Variants in XRRA1 observed in about 807,000 individuals in gnomAD.
The protein encoded by XRRA1 is X-ray radiation resistance-associated protein 1.
In XRRA1, 69 loss-of-function variants were observed where a neutral mutation model predicts 80.2. The ratio of observed to expected loss-of-function variants is 0.86; its 90% CI spans 0.71 to 1.05. XRRA1 has a LOEUF of 1.05. XRRA1 is among the 50% of genes least tolerant of loss of function. The probability of loss-of-function intolerance (pLI) is 0.00; values close to 1 mark genes in which losing one functional copy is unlikely to be tolerated. For synonymous variants in XRRA1, 348 were observed against 389.9 expected, an observed-to-expected ratio of 0.89 and a Z score of 1.27; for missense variants, 967 against 976.4, an observed-to-expected ratio of 0.99 and a Z score of 0.13.
intron 5 of XRRA1, chr11:74,931,779 T>C (rs1416746139): frequency 2.6e-5 from 4 of 152,382 alleles, no homozygotes; most frequent in Non-Finnish European, 1.5e-5. Flanking sequence ...GTTTCTTTAA[T>C]GATATGCTCC....
At chr11:74,905,314 C>A (rs2054352199) in intron 10 of XRRA1, among the ~76,000 whole-genome samples, 1 of 152,218 alleles carries the variant, frequency 6.6e-6, no homozygotes, top group South Asian at 2.1e-4. Context: ...AAACAATTCT[C>A]CAGCCTTGGC....
chr11:74,906,705 T>C, intron 9 of XRRA1: 1 of 537,682 alleles, frequency 1.9e-6, no homozygotes, highest in Non-Finnish European at 3.3e-6. Flanking sequence ...TGGCACAAAG[T>C]AGTATTCAGT....
rs183013745 is a variant in XRRA1, at chr11:74,937,214, G to A, written c.95-146C>T. On this transcript the variant is annotated intron_variant, in intron 3 of 18. Coordinates refer to ENST00000684022, the MANE Select transcript of XRRA1 (RefSeq NM_001378157.1). Reference sequence around the variant, plus strand: ...ATACAATACTGCAGCTGGGGGTAGGGGAGATATCTACCTATCTATGTCATT... The same window carrying A: ...ATACAATACTGCAGCTGGGGGTAGGAGAGATATCTACCTATCTATGTCATT... 976 of 803,700 alleles carry A rather than the reference G, an allele frequency of 1.2e-3. 4 individuals carry two copies. Among genetic ancestry groups the A allele is most frequent in the Middle Eastern group, 0.011 (43 of 4,088 alleles). The allele number at this position is 803,700 out of a possible 1,614,324, so 49.8% of individuals were successfully genotyped here.
chr11:74,877,864 G>A (rs1201517404), intron 10 of XRRA1, among the ~76,000 whole-genome samples: 2 of 152,120 alleles, frequency 1.3e-5, no homozygotes, highest in East Asian at 3.9e-4. Flanking sequence ...GTCTATCATT[G>A]TTGGACATTT....
intron 10 of XRRA1, among the ~76,000 whole-genome samples, chr11:74,878,893 A>G (rs1436052779): frequency 1.3e-5 from 2 of 151,818 alleles, no homozygotes; most frequent in Non-Finnish European, 2.9e-5. Context: ...GAAGTCAGGT[A>G]GTGTGATGCC....
chr11:74,914,404 G>A lies in XRRA1; in HGVS notation c.656+6810C>T, dbSNP rs141512868. 2.2e-4 allele frequency among the ~76,000 whole-genome samples: 33 copies of A among 152,326 alleles called. No individual in the cohort carries two copies. The East Asian group carries it at 6.2e-3, about 28-fold the overall frequency. On this transcript the variant is annotated intron_variant, in intron 8 of 18. Coordinates refer to ENST00000684022, the MANE Select transcript of XRRA1 (RefSeq NM_001378157.1). Reference sequence around the variant, plus strand: ...CAGAGCAAGGCAAGGTTCTACAACAGGTCCCAACTGTAATGCAAGTTGCTC... The same window carrying A: ...CAGAGCAAGGCAAGGTTCTACAACAAGTCCCAACTGTAATGCAAGTTGCTC...
At chr11:74,911,873 G>A (rs992833260) in intron 8 of XRRA1, among the ~76,000 whole-genome samples, 2 of 152,306 alleles carry the variant, frequency 1.3e-5, no homozygotes, top group East Asian at 3.9e-4. Flanking sequence ...ACAGTATCAT[G>A]GGGCTAGAGA....
chr11:74,870,220 G>A (rs117711119), intron 10 of XRRA1, among the ~76,000 whole-genome samples: 6,650 of 152,282 alleles, frequency 0.044, 243 homozygotes, highest in South Asian at 0.066. Context: ...TCAGGGTGCT[G>A]GGAATGTTGA....
At chr11:74,878,990 A>C (rs2046788835) in intron 10 of XRRA1, among the ~76,000 whole-genome samples, 1 of 149,714 alleles carries the variant, frequency 6.7e-6, no homozygotes, top group Admixed American at 6.6e-5. Context: ...GTTTTTTCCA[A>C]TTCTGTGAAG....
At chr11:74,873,640 A>G (rs1345116726) in intron 10 of XRRA1, among the ~76,000 whole-genome samples, 1 of 152,174 alleles carries the variant, frequency 6.6e-6, no homozygotes, top group Non-Finnish European at 1.5e-5. Flanking sequence ...TGTAGATGAC[A>G]TACTGTTTTG....
At chr11:74,845,447 C>T (rs1004950496) in intron 15 of XRRA1, among the ~76,000 whole-genome samples, 176 bp from the exon 16 acceptor site, 2 of 152,188 alleles carry the variant, frequency 1.3e-5, no homozygotes, top group Admixed American at 6.5e-5. Context: ...AATGCTTTAA[C>T]AGAGGGAATA....
intron 10 of XRRA1, among the ~76,000 whole-genome samples, chr11:74,884,330 T>TTTTG (rs1379843586): frequency 2.0e-5 from 3 of 152,174 alleles, no homozygotes; most frequent in Non-Finnish European, 4.4e-5. Flanking sequence ...TCTTCCCTTT[T>TTTTG]TTTGTTTGTT....
Position 74,845,107 on chromosome 11 carries a change from T to TC in XRRA1, c.1892_1893insG (p.Ala632SerfsTer4), listed in dbSNP as rs2037707987. On this transcript the variant is annotated frameshift_variant, in exon 16 of 19. Coordinates refer to ENST00000684022, the MANE Select transcript of XRRA1 (RefSeq NM_001378157.1). LOFTEE classifies it high-confidence loss of function. ...CAATGAAGGCTGGATCAGGCTTGGC[T>TC]GTCAGCAGTTCTTCATAGCCGTGGT... is the stretch of plus-strand genomic sequence containing the variant. 1.2e-6 allele frequency: 2 copies of TC among 1,613,972 alleles called. No homozygotes were observed. Among genetic ancestry groups the TC allele is most frequent in the African/African-American group, 2.7e-5 (2 of 75,076 alleles).
At chr11:74,888,920 T>C in intron 10 of XRRA1, among the ~76,000 whole-genome samples, 1 of 152,226 alleles carries the variant, frequency 6.6e-6, no homozygotes, top group East Asian at 1.9e-4. Flanking sequence ...AGACCAAATC[T>C]ACGTCTGATT....
chr11:74,948,993 C>A lies in XRRA1; in HGVS notation c.-138G>T. On this transcript the variant is annotated 5_prime_UTR_variant, in exon 1 of 19. Coordinates refer to ENST00000684022, the MANE Select transcript of XRRA1 (RefSeq NM_001378157.1). ...GGCGACGTCCCAGTCAGGAGGGATG[C>A]GCGCCTGCGAGCCCCCCGGGGATCT... is the stretch of plus-strand genomic sequence containing the variant. The A allele has an allele frequency of 3.3e-6, 1 of 301,274 alleles. No homozygotes were observed. The highest frequency in any genetic ancestry group is 3.8e-5 in the South Asian group (1 of 26,288). 18.7% of individuals were successfully genotyped at this position (301,274 alleles called of 1,614,324 possible). A position where few individuals can be genotyped will look rare whatever the true frequency, so the allele number is the denominator to read the frequency against.
At chr11:74,861,763 G>A (rs945460568) in intron 11 of XRRA1, among the ~76,000 whole-genome samples, 4 of 152,332 alleles carry the variant, frequency 2.6e-5, no homozygotes, top group African/African-American at 7.2e-5. Context: ...GTGATTGTAA[G>A]TATAACCCTT....
intron 10 of XRRA1, among the ~76,000 whole-genome samples, chr11:74,870,108 T>G (rs1473983124): frequency 6.6e-6 from 1 of 152,150 alleles, no homozygotes; most frequent in Non-Finnish European, 1.5e-5. Flanking sequence ...CCAAAAACAT[T>G]CGGTGTCTGA....
At chr11:74,853,289 G>A (rs1485481462) in intron 12 of XRRA1, among the ~76,000 whole-genome samples, 2 of 152,194 alleles carry the variant, frequency 1.3e-5, no homozygotes, top group African/African-American at 4.8e-5. Flanking sequence ...CGAACGCAGT[G>A]AGGCATGGAG....
chr11:74,937,317 G>A (rs1477331927), intron 3 of XRRA1, among the ~76,000 whole-genome samples: 1 of 152,100 alleles, frequency 6.6e-6, no homozygotes, highest in Non-Finnish European at 1.5e-5. Context: ...AAAAGGAGGT[G>A]GAATGACTTG....
Sources: gnomAD v4.1 joint callset for allele counts (sites outside exome capture counted in the v4.1 genomes callset) on GRCh38, gnomAD v4.1.1 for gene constraint, MANE v1.5 for transcripts, NCBI Gene and HGNC (gene_info 2026-07-23, HGNC 2026-07-21) for gene names.